The following ESRRG variants were observed in gnomAD, a reference collection of about 807,000 sequenced individuals.
ESRRG encodes the protein estrogen related receptor gamma.
A neutral mutation model predicts 44.0 loss-of-function variants in ESRRG; 13 were observed. That is an observed-to-expected ratio of 0.30 (90% CI 0.19 to 0.47). ESRRG has a LOEUF of 0.47. ESRRG is among the 20% of genes least tolerant of loss of function. The probability of loss-of-function intolerance (pLI) is 1.00; values close to 1 mark genes in which losing one functional copy is unlikely to be tolerated. For synonymous variants in ESRRG, 215 were observed against 214.6 expected (o/e 1.00, Z -0.02); for missense variants, 395 against 580.6 (o/e 0.68, Z 3.29).
At chr1:216,839,591 T>C (rs2095619241) in intron 2 of ESRRG, among the ~76,000 whole-genome samples, 1 of 152,196 alleles carries the variant, frequency 6.6e-6, no homozygotes, top group Admixed American at 6.5e-5. Flanking sequence ...GACTTGAAAG[T>C]CAAAATTATT....
intron 2 of ESRRG, among the ~76,000 whole-genome samples, chr1:216,814,036 T>A (rs1056068461): frequency 6.6e-6 from 1 of 152,040 alleles, no homozygotes; most frequent in African/African-American, 2.4e-5. Flanking sequence ...TCCCAGGAGC[T>A]CCTCAACCCA....
chr1:217,000,221 C>T (rs1184219204), intron 1 of ESRRG: 4 of 152,172 alleles, frequency 2.6e-5, no homozygotes, highest in African/African-American at 9.7e-5. Flanking sequence ...GTACCACAAA[C>T]CAGTGGCTTA....
At chr1:216,573,470 A>AC (rs2061187574) in intron 3 of ESRRG, among the ~76,000 whole-genome samples, 2 of 152,102 alleles carry the variant, frequency 1.3e-5, no homozygotes, top group East Asian at 3.9e-4. Context: ...ATACGAATGT[A>AC]CTTAAAAATA....
intron 5 of ESRRG, among the ~76,000 whole-genome samples, chr1:216,558,937 C>T (rs7529289): frequency 0.41 from 62,840 of 151,686 alleles, 13,271 homozygotes; most frequent in Middle Eastern, 0.48. Flanking sequence ...TGACGTGATC[C>T]GGGCTCACTG....
chr1:216,654,019 A>C (rs1471643230), intron 2 of ESRRG, among the ~76,000 whole-genome samples: 8 of 151,864 alleles, frequency 5.3e-5, no homozygotes, highest in African/African-American at 9.7e-5. Context: ...GCCTCTTGGA[A>C]GGTCGAGGTG....
upstream of ESRRG, among the ~76,000 whole-genome samples, chr1:216,726,934 T>A (rs983111079): frequency 6.6e-6 from 1 of 152,208 alleles, no homozygotes; most frequent in African/African-American, 2.4e-5. Context: ...GACATTTTAT[T>A]ACATTTAAGT....
chr1:216,579,201 A>T (rs1311369058), intron 3 of ESRRG, among the ~76,000 whole-genome samples: 4 of 152,278 alleles, frequency 2.6e-5, no homozygotes, highest in African/African-American at 9.6e-5. Context: ...CAATATGCAT[A>T]CAAAAGGCAT....
chr1:216,769,146 T>C (rs11807372), intron 2 of ESRRG, among the ~76,000 whole-genome samples: 53,773 of 151,884 alleles, frequency 0.35, 9,695 homozygotes, highest in Middle Eastern at 0.4. Context: ...AGACAATCAA[T>C]TGATTAGAAT....
chr1:216,884,363 TC>T (rs1408430331), intron 2 of ESRRG, among the ~76,000 whole-genome samples: 4 of 152,232 alleles, frequency 2.6e-5, no homozygotes, highest in African/African-American at 9.6e-5. Context: ...AAAACACATT[TC>T]AATTCATGAA....
chr1:217,058,596 GT>G (rs1420908044), intron 1 of ESRRG, among the ~76,000 whole-genome samples: 1 of 152,040 alleles, frequency 6.6e-6, no homozygotes, highest in African/African-American at 2.4e-5. Flanking sequence ...ATGAAGGAAG[GT>G]GGGACAACCA....
At chr1:216,663,952 G>T (rs1036600358) in intron 2 of ESRRG, among the ~76,000 whole-genome samples, 11 of 152,126 alleles carry the variant, frequency 7.2e-5, no homozygotes, top group Non-Finnish European at 1.6e-4. Context: ...CTGAAGAGTT[G>T]CGCTCTCAAG....
chr1:216,984,264 G>T (rs1473945492), intron 1 of ESRRG, among the ~76,000 whole-genome samples: 1 of 152,006 alleles, frequency 6.6e-6, no homozygotes, highest in Non-Finnish European at 1.5e-5. Flanking sequence ...ATAAATCCTC[G>T]TGATCATTTT....
intron 2 of ESRRG, among the ~76,000 whole-genome samples, chr1:216,932,030 G>T (rs1047741896): frequency 2.0e-5 from 3 of 151,796 alleles, no homozygotes; most frequent in Admixed American, 6.6e-5. Flanking sequence ...ATGGTGAAAC[G>T]TGGTCTCTAC....
chr1:216,907,787 G>A (rs185435741), intron 2 of ESRRG, among the ~76,000 whole-genome samples: 15 of 152,178 alleles, frequency 9.9e-5, no homozygotes, highest in East Asian at 3.9e-4. Flanking sequence ...GAACAATGCC[G>A]GTTGACGTAT....
intron 6 of ESRRG, among the ~76,000 whole-genome samples, chr1:216,509,420 G>C (rs565169919): frequency 4.6e-5 from 7 of 152,144 alleles, no homozygotes; most frequent in African/African-American, 1.4e-4. Context: ...CTATCATTTG[G>C]TCCTGTTTCT....
At chr1:217,107,376 A>T (rs924435696) in intron 1 of ESRRG, among the ~76,000 whole-genome samples, 8 of 152,234 alleles carry the variant, frequency 5.3e-5, no homozygotes, top group African/African-American at 1.9e-4. Context: ...TTCAGGTGAC[A>T]ACAATAATTT....
chr1:216,711,635 C>G (rs960554319), intron 1 of ESRRG, among the ~76,000 whole-genome samples: 1 of 151,932 alleles, frequency 6.6e-6, no homozygotes, highest in Admixed American at 6.6e-5. Flanking sequence ...GCTAAGCAAC[C>G]GCAGAAGACA....
intron 2 of ESRRG, among the ~76,000 whole-genome samples, chr1:216,777,668 T>C (rs1157016973): frequency 6.6e-6 from 1 of 152,092 alleles, no homozygotes; most frequent in African/African-American, 2.4e-5. Context: ...GCATCTTGTC[T>C]TTTTCATTTC....
At chr1:216,743,850 G>A (rs1006871065) in intron 2 of ESRRG, among the ~76,000 whole-genome samples, 2 of 152,150 alleles carry the variant, frequency 1.3e-5, no homozygotes, top group African/African-American at 4.8e-5. Context: ...TAATTTTACT[G>A]ATTAGGAAGC....
Sources: allele counts gnomAD v4.1 joint callset (sites outside exome capture counted in the v4.1 genomes callset), GRCh38; gene constraint gnomAD v4.1.1; transcripts MANE v1.5; gene names NCBI Gene and HGNC (gene_info 2026-07-23, HGNC 2026-07-21).